GFPT1: variants seen among roughly 807,000 people sequenced by gnomAD.
GFPT1 encodes glutamine--fructose-6-phosphate aminotransferase [isomerizing] 1.
GFPT1 carries 40 observed loss-of-function variants against 92.0 expected under a neutral mutation model. That is an observed-to-expected ratio of 0.43 (90% CI 0.34 to 0.57). The LOEUF is 0.57. Among genes scored for constraint, GFPT1 ranks in the 20% least tolerant of loss-of-function variants. GFPT1 has a pLI of 0.02. For missense variants in GFPT1, 448 were observed against 869.1 expected, an observed-to-expected ratio of 0.52 and a Z score of 6.09; for synonymous variants, 269 against 280.6, an observed-to-expected ratio of 0.96 and a Z score of 0.41.
intron 3 of GFPT1, among the ~76,000 whole-genome samples, chr2:69,366,581 T>C (rs1482675114): frequency 2.0e-5 from 3 of 152,230 alleles, no homozygotes; most frequent in African/African-American, 7.2e-5. Flanking sequence ...TCCTTATTCA[T>C]TAAACTGATA....
chr2:69,357,201 C>G (rs918477508), intron 6 of GFPT1, among the ~76,000 whole-genome samples: 5 of 152,180 alleles, frequency 3.3e-5, no homozygotes, highest in African/African-American at 1.2e-4. Flanking sequence ...TATGAATTAT[C>G]AGAGGAACGA....
chr2:69,373,422 G>A (rs1376870122), intron 2 of GFPT1, among the ~76,000 whole-genome samples: 1 of 152,124 alleles, frequency 6.6e-6, no homozygotes, highest in Non-Finnish European at 1.5e-5. Context: ...TTTGAGACCA[G>A]CCCAGGCAAC....
chr2:69,373,407 A>G (rs889739323), intron 2 of GFPT1, among the ~76,000 whole-genome samples: 12 of 152,200 alleles, frequency 7.9e-5, no homozygotes, highest in Non-Finnish European at 1.6e-4. Flanking sequence ...ACTTGAGGCC[A>G]GGAGTTTGAG....
At chr2:69,332,947 C>G (rs1325364218) in intron 15 of GFPT1, among the ~76,000 whole-genome samples, 1 of 152,058 alleles carries the variant, frequency 6.6e-6, no homozygotes, top group East Asian at 1.9e-4. Context: ...AATGAGACTC[C>G]CTGTTTCCTC....
At chr2:69,338,382 G>A in intron 14 of GFPT1, 63 bp downstream of exon 14, 1 of 1,410,622 alleles carries the variant, frequency 7.1e-7, no homozygotes, top group Non-Finnish European at 1.0e-6. Context: ...CTTTTGCCAA[G>A]ATATGCTAGA....
chr2:69,363,411 C>G, intron 4 of GFPT1, 134 bp downstream of exon 4: 2 of 922,708 alleles, frequency 2.2e-6, no homozygotes, highest in African/African-American at 1.6e-5. Context: ...GCTCCATATG[C>G]TCTCTACTAC....
chr2:69,355,848 A>G (rs1671323139), intron 7 of GFPT1, among the ~76,000 whole-genome samples: 1 of 152,178 alleles, frequency 6.6e-6, no homozygotes, highest in Admixed American at 6.6e-5. Context: ...TGTCTAGAAT[A>G]TATGTTTCAA....
chr2:69,386,781 G>A (rs1440318129), intron 1 of GFPT1, among the ~76,000 whole-genome samples: 1 of 152,132 alleles, frequency 6.6e-6, no homozygotes, highest in Non-Finnish European at 1.5e-5. Flanking sequence ...CAATAAAGGC[G>A]TTTCTCTCCC....
intron 1 of GFPT1, among the ~76,000 whole-genome samples, chr2:69,380,661 G>A (rs969924046): frequency 8.5e-5 from 13 of 152,052 alleles, no homozygotes; most frequent in African/African-American, 3.1e-4. Context: ...TCTCTCTTCT[G>A]ACCATTCACA....
intron 11 of GFPT1, among the ~76,000 whole-genome samples, chr2:69,346,520 G>A (rs1458405654): frequency 6.6e-6 from 1 of 152,124 alleles, no homozygotes; most frequent in African/African-American, 2.4e-5. Flanking sequence ...TTACAGGCGT[G>A]AGCCACCGCA....
chr2:69,362,496 ATCCT>A (rs1242869520), intron 4 of GFPT1, among the ~76,000 whole-genome samples: 1 of 152,092 alleles, frequency 6.6e-6, no homozygotes, highest in African/African-American at 2.4e-5. Flanking sequence ...AAGAATATCA[ATCCT>A]TAAAAATAAA....
In GFPT1 at chr2:69,348,749, G is replaced by A. The variant is rs528246221; in HGVS notation, c.846-415C>T. ...CCCACTTTCTCTCTGATCTCTCTCC[G>A]TCCATCCTCCATTTCTGCCAAAATT... is the stretch of plus-strand genomic sequence containing the variant. On this transcript the variant is annotated intron_variant, in intron 10 of 19. Transcript: ENST00000357308. Among the ~76,000 whole-genome samples the A allele has an allele frequency of 7.2e-5, 11 of 152,108 alleles. No individual in the cohort carries two copies. The East Asian group carries it at 1.5e-3, about 21-fold the overall frequency.
rs138469395 is a variant in GFPT1, at chr2:69,353,301, T to C, written c.739+958A>G. Among the ~76,000 whole-genome samples the C allele has an allele frequency of 4.9e-4, 75 of 151,826 alleles. 1 individual carries two copies. The East Asian group carries it at 0.012, about 24-fold the overall frequency. The stretch of plus-strand genomic sequence containing the variant: ...CCTGTAATCCCTGTAATTTAGGAGG[T>C]TGAGGTGGGAGGATCCCTTAAGCCC... On this transcript the variant is annotated intron_variant, in intron 9 of 19. Transcript: ENST00000357308.
intron 9 of GFPT1, among the ~76,000 whole-genome samples, chr2:69,353,627 G>A (rs143100272): frequency 6.4e-4 from 98 of 151,968 alleles, no homozygotes; most frequent in African/African-American, 2.3e-3. Context: ...CCAAGAGTTC[G>A]AAATTGCAGT....
intron 9 of GFPT1, among the ~76,000 whole-genome samples, chr2:69,352,683 T>C (rs985423781): frequency 4.0e-5 from 6 of 150,532 alleles, no homozygotes; most frequent in Admixed American, 6.6e-5. Context: ...TGAGTTTCAC[T>C]GTGTTTTTTC....
rs1221808387 is a variant in GFPT1, at chr2:69,321,305, CA to C, written c.*4883del. On this transcript the variant is annotated 3_prime_UTR_variant, in exon 20 of 20. Coordinates refer to ENST00000357308, the MANE Select transcript of GFPT1 (RefSeq NM_001244710.2). ...TTTGTTTTATCTAACGATTCTTTCC[CA>C]AACTGGGAAGTTCGGGTAGAGACAG... 3 of 152,140 alleles carry C rather than the reference CA, an allele frequency of 2.0e-5. No homozygotes were observed. The highest frequency in any genetic ancestry group is 7.2e-5 in the African/African-American group (3 of 41,430). 9.4% of individuals were successfully genotyped at this position (152,140 alleles called of 1,614,324 possible).
chr2:69,380,081 T>C (rs1671972051), intron 1 of GFPT1, among the ~76,000 whole-genome samples: 1 of 151,960 alleles, frequency 6.6e-6, no homozygotes, highest in South Asian at 2.1e-4. Context: ...CTCACGCCTG[T>C]AATCCCAGCA....
intron 1 of GFPT1, among the ~76,000 whole-genome samples, chr2:69,379,050 G>A (rs1168612098): frequency 6.6e-6 from 1 of 152,024 alleles, no homozygotes; most frequent in Non-Finnish European, 1.5e-5. Flanking sequence ...TTCGAAACCA[G>A]CCAGGGCAAC....
chr2:69,380,459 T>C (rs1039468014), intron 1 of GFPT1, among the ~76,000 whole-genome samples: 3 of 152,258 alleles, frequency 2.0e-5, no homozygotes, highest in South Asian at 4.1e-4. Context: ...ATGTCTCCCC[T>C]ACTTTACTGT....
Sources: allele counts gnomAD v4.1 joint callset (sites outside exome capture counted in the v4.1 genomes callset), GRCh38; gene constraint gnomAD v4.1.1; transcripts MANE v1.5; gene names NCBI Gene and HGNC (gene_info 2026-07-23, HGNC 2026-07-21).